The following CYP27A1 variants were observed in gnomAD, a reference collection of about 807,000 sequenced individuals.
The protein encoded by CYP27A1 is sterol 26-hydroxylase, mitochondrial.
Under a neutral mutation model 58.2 loss-of-function variants are expected in CYP27A1, and 46 were observed. The ratio of observed to expected loss-of-function variants is 0.79; its 90% CI spans 0.62 to 1.01. The LOEUF is 1.01. Ranked by LOEUF, CYP27A1 falls within the 50% of genes least tolerant of loss-of-function variation. The probability of loss-of-function intolerance (pLI) is 0.00; values close to 1 mark genes in which losing one functional copy is unlikely to be tolerated. For synonymous variants in CYP27A1, 274 were observed against 285.1 expected, an observed-to-expected ratio of 0.96 and a Z score of 0.39; for missense variants, 704 against 687.0, an observed-to-expected ratio of 1.02 and a Z score of -0.28.
intron 1 of CYP27A1, among the ~76,000 whole-genome samples, chr2:218,788,851 C>T (rs749776544): frequency 2.0e-5 from 3 of 152,196 alleles, no homozygotes; most frequent in Non-Finnish European, 4.4e-5. Context: ...TTCCTTAGCA[C>T]TCATGTTACC....
At chr2:218,813,176 C>T (rs566447689) in intron 5 of CYP27A1, 80 bp downstream of exon 5, 3 of 1,307,674 alleles carry the variant, frequency 2.3e-6, no homozygotes, top group Non-Finnish European at 3.2e-6. Context: ...CACCTGATCC[C>T]GACCTTCATC....
chr2:218,794,974 G>A (rs1943532811), intron 1 of CYP27A1, among the ~76,000 whole-genome samples: 1 of 152,162 alleles, frequency 6.6e-6, no homozygotes, highest in South Asian at 2.1e-4. Context: ...TTGCATCCCT[G>A]AATCCTGACA....
At chr2:218,787,085 C>A (rs1943447812) in intron 1 of CYP27A1, among the ~76,000 whole-genome samples, 1 of 152,172 alleles carries the variant, frequency 6.6e-6, no homozygotes, top group Non-Finnish European at 1.5e-5. Flanking sequence ...ATTACTGTAC[C>A]TGGCCATCAT....
chr2:218,803,065 C>T (rs192806054), intron 1 of CYP27A1, among the ~76,000 whole-genome samples: 5 of 152,316 alleles, frequency 3.3e-5, no homozygotes, highest in African/African-American at 9.6e-5. Context: ...ATGCCTCAGC[C>T]TCCCAAGTAG....
chr2:218,793,799 C>G (rs1943519490), intron 1 of CYP27A1, among the ~76,000 whole-genome samples: 1 of 151,744 alleles, frequency 6.6e-6, no homozygotes, highest in African/African-American at 2.4e-5. Flanking sequence ...ACTGCAACCT[C>G]CGCCCCCAGG....
chr2:218,795,424 C>CAGTATCTGGGTGTGT (rs1943538917), intron 1 of CYP27A1, among the ~76,000 whole-genome samples: 1 of 152,216 alleles, frequency 6.6e-6, no homozygotes, highest in Non-Finnish European at 1.5e-5. Context: ...TCTTGTGACA[C>CAGTATCTGGGTGTGT]ACCCAGATAA....
At chr2:218,807,052 C>T (rs989590664) in intron 1 of CYP27A1, among the ~76,000 whole-genome samples, 8 of 149,182 alleles carry the variant, frequency 5.4e-5, no homozygotes, top group East Asian at 2.0e-4. Context: ...CTCCTCCTCC[C>T]GGGTTCAAGC....
intron 1 of CYP27A1, among the ~76,000 whole-genome samples, chr2:218,790,760 C>T (rs1457766309): frequency 8.6e-5 from 13 of 151,404 alleles, no homozygotes; most frequent in Admixed American, 7.9e-4. Context: ...TGTAGTGGCA[C>T]GACCTCGGCT....
chr2:218,791,800 A>T (rs1943496000), intron 1 of CYP27A1, among the ~76,000 whole-genome samples: 1 of 152,194 alleles, frequency 6.6e-6, no homozygotes, highest in South Asian at 2.1e-4. Flanking sequence ...CAGTCAGTGA[A>T]CCATGAAAAG....
Position 218,789,428 on chromosome 2 carries a change from G to A in CYP27A1, c.255+6991G>A, listed in dbSNP as rs113491976. ...CTCAGAGACTCCAGTGCAGCCATGT[G>A]GTGGAAGAAGATGTATGAACAGAAA... On this transcript the variant is annotated intron_variant, in intron 1 of 8. Coordinates refer to ENST00000258415, the MANE Select transcript of CYP27A1 (RefSeq NM_000784.4). Among the ~76,000 whole-genome samples, 727 of 152,330 alleles carry A rather than the reference G, an allele frequency of 4.8e-3. 6 individuals are homozygous for A. Among genetic ancestry groups the A allele is most frequent in the African/African-American group, 0.017 (689 of 41,560 alleles).
chr2:218,798,745 T>G (rs1180230096), intron 1 of CYP27A1, among the ~76,000 whole-genome samples: 1 of 152,022 alleles, frequency 6.6e-6, no homozygotes, highest in African/African-American at 2.4e-5. Context: ...TAGCTGGACG[T>G]GGTGGCATAT....
At chr2:218,792,895 C>A (rs2105972737) in intron 1 of CYP27A1, among the ~76,000 whole-genome samples, 1 of 152,182 alleles carries the variant, frequency 6.6e-6, no homozygotes, top group African/African-American at 2.4e-5. Context: ...CTTCAGGGAA[C>A]CTCTGTAGCA....
intron 6 of CYP27A1, 27 bp downstream of exon 6, chr2:218,814,214 C>A (rs1311606026): frequency 6.2e-7 from 1 of 1,613,980 alleles, no homozygotes; most frequent in South Asian, 1.1e-5. Flanking sequence ...TTCTGGGGGG[C>A]ACAGGATCTC....
rs183303762 is a variant in CYP27A1 at position 218,791,110 on chromosome 2, A to G, written c.255+8673A>G. 5.8e-3 allele frequency among the ~76,000 whole-genome samples: 881 copies of G among 152,334 alleles called. 9 individuals are homozygous for G. Among genetic ancestry groups the G allele is most frequent in the African/African-American group, 0.02 (821 of 41,584 alleles). On this transcript the variant is annotated intron_variant, in intron 1 of 8. Coordinates refer to ENST00000258415, the MANE Select transcript of CYP27A1 (RefSeq NM_000784.4). ...CTCGGCCTCCCAAAGTACTGGGATG[A>G]CAGGCATGAGCCACTGTACCCAGCT... is the stretch of plus-strand genomic sequence containing the variant.
intron 2 of CYP27A1, among the ~76,000 whole-genome samples, chr2:218,810,464 T>C (rs61476491): frequency 0.028 from 4,188 of 152,260 alleles, 188 homozygotes; most frequent in African/African-American, 0.095. Flanking sequence ...GTTTCCTGAA[T>C]AGATGATATC....
At chr2:218,806,860 G>C (rs1399321706) in intron 1 of CYP27A1, among the ~76,000 whole-genome samples, 1 of 151,898 alleles carries the variant, frequency 6.6e-6, no homozygotes, top group Non-Finnish European at 1.5e-5. Flanking sequence ...CTGGTTCATG[G>C]TCAGCTCTAT....
chr2:218,800,843 C>T (rs1289487224), intron 1 of CYP27A1, among the ~76,000 whole-genome samples: 1 of 152,096 alleles, frequency 6.6e-6, no homozygotes, highest in Non-Finnish European at 1.5e-5. Flanking sequence ...TAAAAGCATA[C>T]CATATGCTCT....
At chr2:218,801,541 G>A (rs1943600016) in intron 1 of CYP27A1, among the ~76,000 whole-genome samples, 1 of 151,842 alleles carries the variant, frequency 6.6e-6, no homozygotes, top group Non-Finnish European at 1.5e-5. Flanking sequence ...ATTATTTTTT[G>A]CAAATAAGTA....
chr2:218,791,775 A>G (rs1943495716), intron 1 of CYP27A1, among the ~76,000 whole-genome samples: 1 of 152,190 alleles, frequency 6.6e-6, no homozygotes, highest in Non-Finnish European at 1.5e-5. Flanking sequence ...TAGATTGTGA[A>G]GGGCTTCATG....
Sources: gnomAD v4.1 joint callset for allele counts (sites outside exome capture counted in the v4.1 genomes callset) on GRCh38, gnomAD v4.1.1 for gene constraint, MANE v1.5 for transcripts, NCBI Gene and HGNC (gene_info 2026-07-23, HGNC 2026-07-21) for gene names.